The following GPC5 variants were observed in gnomAD, a reference collection of about 807,000 sequenced individuals.
GPC5 encodes the protein glypican 5.
Under a neutral mutation model 53.9 loss-of-function variants are expected in GPC5, and 47 were observed. The ratio of observed to expected loss-of-function variants is 0.87; its 90% CI spans 0.69 to 1.11. GPC5 has a LOEUF of 1.11. Ranked by LOEUF, GPC5 falls within the 50% of genes most tolerant of loss-of-function variation. The probability of loss-of-function intolerance (pLI) is 0.00; values close to 1 mark genes in which losing one functional copy is unlikely to be tolerated. For missense variants in GPC5, 748 were observed against 713.1 expected (o/e 1.05, Z -0.56); for synonymous variants, 286 against 263.3 (o/e 1.09, Z -0.84).
chr13:91,884,842 TG>T (rs1245705185), intron 5 of GPC5, among the ~76,000 whole-genome samples: 1 of 152,186 alleles, frequency 6.6e-6, no homozygotes, highest in East Asian at 1.9e-4. Context: ...ATAAAGGATA[TG>T]GAAAGTTTTT....
chr13:92,004,461 TATATATATATATA>T (rs2040586724), intron 6 of GPC5, among the ~76,000 whole-genome samples: 4 of 41,372 alleles, frequency 9.7e-5, no homozygotes, highest in African/African-American at 2.3e-4. Flanking sequence ...AAAAAAATTA[TATATATATATATA>T]TATATATATA....
At chr13:91,594,894 C>T (rs2032933729) in intron 2 of GPC5, among the ~76,000 whole-genome samples, 2 of 151,992 alleles carry the variant, frequency 1.3e-5, no homozygotes, top group Non-Finnish European at 2.9e-5. Context: ...GGCTGGTCTC[C>T]AACTCCCTCA....
rs895826500 is a variant in GPC5, at chr13:92,530,389, C to T, written c.1562-335893C>T. Among the ~76,000 whole-genome samples, 3 of 152,026 alleles carry T rather than the reference C, an allele frequency of 2.0e-5. No homozygotes were observed. The East Asian group carries it at 5.8e-4, about 29-fold the overall frequency. ...GCCACTGCCATCCACCCACTAAAGC[C>T]TCAGAGTTCCCCACTGTATTTTGTC... On this transcript the variant is annotated intron_variant, in intron 7 of 7. Coordinates refer to ENST00000377067, the MANE Select transcript of GPC5 (RefSeq NM_004466.6).
At chr13:92,552,914 A>G (rs969133303) in intron 7 of GPC5, among the ~76,000 whole-genome samples, 1 of 151,842 alleles carries the variant, frequency 6.6e-6, no homozygotes, top group African/African-American at 2.4e-5. Context: ...TCTCACTTGT[A>G]CTTTCTTTTC....
chr13:91,825,904 T>C (rs1165185259), intron 5 of GPC5, among the ~76,000 whole-genome samples: 1 of 152,112 alleles, frequency 6.6e-6, no homozygotes, highest in East Asian at 1.9e-4. Context: ...TCCTCAACAG[T>C]ACTTACATGA....
At chr13:92,594,268 C>T (rs1366585695) in intron 7 of GPC5, among the ~76,000 whole-genome samples, 1 of 152,158 alleles carries the variant, frequency 6.6e-6, no homozygotes, top group Non-Finnish European at 1.5e-5. Flanking sequence ...CCACACTTTA[C>T]TTCTCAGCTC....
intron 6 of GPC5, among the ~76,000 whole-genome samples, chr13:92,030,318 C>G (rs1023503259): frequency 3.9e-5 from 6 of 152,126 alleles, no homozygotes; most frequent in Non-Finnish European, 7.4e-5. Context: ...TTCTCCACCA[C>G]CCTTTCCTGT....
rs542282013 is a variant in GPC5, at chr13:91,522,132, T to C, written c.325+73210T>C. ...CGGAACCCTTCCAAACCCTGTCCTT[T>C]TTGAATTTATGGAGGCTTCATTACT... is the stretch of plus-strand genomic sequence containing the variant. On this transcript the variant is annotated intron_variant, in intron 2 of 7. Coordinates refer to ENST00000377067, the MANE Select transcript of GPC5 (RefSeq NM_004466.6). Among the ~76,000 whole-genome samples the C allele has an allele frequency of 6.6e-5, 10 of 152,314 alleles. 1 individual carries two copies. Among genetic ancestry groups the C allele is most frequent in the Middle Eastern group, 3.4e-3 (1 of 294 alleles).
At chr13:92,532,112 C>T (rs376668969) in intron 7 of GPC5, among the ~76,000 whole-genome samples, 6 of 152,262 alleles carry the variant, frequency 3.9e-5, no homozygotes, top group Admixed American at 6.5e-5. Context: ...TCACTGACTT[C>T]CACAGAAAAG....
At chr13:91,943,544 G>A (rs1207020288) in intron 6 of GPC5, among the ~76,000 whole-genome samples, 1 of 152,128 alleles carries the variant, frequency 6.6e-6, no homozygotes, top group African/African-American at 2.4e-5. Context: ...GATAACTGCT[G>A]TTCTTTTAAT....
intron 7 of GPC5, among the ~76,000 whole-genome samples, chr13:92,560,859 G>A (rs1487132504): frequency 8.8e-4 from 116 of 131,142 alleles, no homozygotes; most frequent in African/African-American, 3.8e-3. Context: ...AAAATTATAT[G>A]TGTGTGTGTG....
intron 7 of GPC5, among the ~76,000 whole-genome samples, chr13:92,256,824 TG>T: frequency 6.6e-6 from 1 of 152,226 alleles, no homozygotes; most frequent in African/African-American, 2.4e-5. Context: ...GAATCAAGTT[TG>T]CTTTGTTTGA....
intron 7 of GPC5, among the ~76,000 whole-genome samples, chr13:92,710,867 ATGTG>A (rs1888112475): frequency 1.3e-5 from 2 of 152,220 alleles, no homozygotes; most frequent in African/African-American, 4.8e-5. Context: ...AATTATTTTT[ATGTG>A]ACAATGATGA....
At chr13:91,456,545 T>A (rs1881568492) in intron 2 of GPC5, among the ~76,000 whole-genome samples, 1 of 152,006 alleles carries the variant, frequency 6.6e-6, no homozygotes. Context: ...TTATACTAAA[T>A]ATTTTAGGAA....
intron 5 of GPC5, among the ~76,000 whole-genome samples, chr13:91,795,268 G>A (rs530461724): frequency 6.6e-6 from 1 of 152,028 alleles, no homozygotes; most frequent in African/African-American, 2.4e-5. Flanking sequence ...GTGTATATTG[G>A]TTCATAGTTT....
intron 5 of GPC5, among the ~76,000 whole-genome samples, chr13:91,788,794 G>T (rs1193047303): frequency 6.6e-6 from 1 of 152,070 alleles, no homozygotes; most frequent in Non-Finnish European, 1.5e-5. Context: ...TTGCCCCAGT[G>T]GTAACACTTA....
intron 7 of GPC5, among the ~76,000 whole-genome samples, chr13:92,544,643 T>C (rs1290257883): frequency 6.6e-6 from 1 of 152,168 alleles, no homozygotes; most frequent in African/African-American, 2.4e-5. Context: ...TCCCTCGTTT[T>C]GGGCCTACTA....
chr13:92,298,493 A>AT lies in GPC5; in HGVS notation c.1561+153508dup, dbSNP rs748998973. ...TAGGGGACTCAGCAAGCCCGCAGGG[A>AT]TTTTCCCGCTGCTTCCTCTACCCCT... On this transcript the variant is annotated intron_variant, in intron 7 of 7. Transcript: ENST00000377067. Among the ~76,000 whole-genome samples, 132 of 152,148 alleles carry AT rather than the reference A, an allele frequency of 8.7e-4. 1 individual carries two copies. The highest frequency in any genetic ancestry group is 1.7e-3 in the Non-Finnish European group (118 of 68,008).
intron 5 of GPC5, among the ~76,000 whole-genome samples, chr13:91,785,201 C>A (rs2037859831): frequency 6.6e-6 from 1 of 152,144 alleles, no homozygotes; most frequent in Admixed American, 6.5e-5. Flanking sequence ...TCTTAGAAAC[C>A]CTTTGAACTA....
Sources: allele counts gnomAD v4.1 joint callset (sites outside exome capture counted in the v4.1 genomes callset), GRCh38; gene constraint gnomAD v4.1.1; transcripts MANE v1.5; gene names NCBI Gene and HGNC (gene_info 2026-07-23, HGNC 2026-07-21).